The following PDE7B variants were observed in gnomAD, a reference collection of about 807,000 sequenced individuals.
PDE7B encodes the protein phosphodiesterase 7B, also known as 3',5'-cyclic-AMP phosphodiesterase 7B.
Under a neutral mutation model 56.2 loss-of-function variants are expected in PDE7B, and 29 were observed. The ratio of observed to expected loss-of-function variants is 0.52; its 90% CI spans 0.38 to 0.70. The LOEUF (loss-of-function observed/expected upper bound fraction) is 0.70, where lower values mean the gene tolerates loss of function less well. Ranked by LOEUF, PDE7B falls within the 30% of genes least tolerant of loss-of-function variation. The pLI, the probability that PDE7B is intolerant of heterozygous loss-of-function variation, is 0.00. For missense variants in PDE7B, 490 were observed against 565.0 expected (o/e 0.87, Z 1.35); for synonymous variants, 197 against 196.9 (o/e 1.00, Z 0.00).
chr6:136,011,102 G>T (rs1180835042), intron 2 of PDE7B, among the ~76,000 whole-genome samples: 1 of 152,014 alleles, frequency 6.6e-6, no homozygotes, highest in Non-Finnish European at 1.5e-5. Flanking sequence ...GATGTTGGAT[G>T]AAAAAAGAGA....
chr6:136,035,752 A>AT (rs1776316352), intron 2 of PDE7B, among the ~76,000 whole-genome samples: 1 of 152,168 alleles, frequency 6.6e-6, no homozygotes, highest in South Asian at 2.1e-4. Flanking sequence ...TCTCTAAGAT[A>AT]TTTTTACAAG....
At chr6:136,073,951 T>C (rs985462342) in intron 2 of PDE7B, among the ~76,000 whole-genome samples, 5 of 152,312 alleles carry the variant, frequency 3.3e-5, no homozygotes, top group Admixed American at 6.5e-5. Flanking sequence ...AGTTCCCATA[T>C]TCTTTCCAAT....
intron 2 of PDE7B, among the ~76,000 whole-genome samples, chr6:135,964,653 T>C (rs1774961921): frequency 6.6e-6 from 1 of 152,140 alleles, no homozygotes; most frequent in Non-Finnish European, 1.5e-5. Flanking sequence ...TCTATAGCTA[T>C]ATGATCTGAT....
intron 2 of PDE7B, among the ~76,000 whole-genome samples, chr6:136,090,838 A>G (rs146762014): frequency 2.1e-4 from 32 of 152,136 alleles, no homozygotes; most frequent in Non-Finnish European, 4.3e-4. Context: ...TGTACCACCT[A>G]TTTCTTTATG....
intron 2 of PDE7B, among the ~76,000 whole-genome samples, chr6:136,000,631 C>T (rs1036023625): frequency 3.9e-5 from 6 of 152,062 alleles, no homozygotes; most frequent in East Asian, 3.9e-4. Context: ...GTACTAGTAC[C>T]ATGCTGTTTT....
chr6:136,075,141 T>C (rs549624213), intron 2 of PDE7B, among the ~76,000 whole-genome samples: 2 of 152,320 alleles, frequency 1.3e-5, no homozygotes, highest in African/African-American at 2.4e-5. Context: ...CTGGGTGCTT[T>C]ACCTACTGTC....
intron 1 of PDE7B, among the ~76,000 whole-genome samples, chr6:135,906,832 T>TTTTTTTTTTTTTTTTTTTTTTTTG (rs1257351941): frequency 1.4e-5 from 2 of 144,008 alleles, no homozygotes; most frequent in African/African-American, 5.5e-5. Flanking sequence ...TTTTTTTTTT[T>TTTTTTTTTTTTTTTTTTTTTTTTG]TTTTAATCCT....
chr6:135,923,186 C>T (rs1774121727), intron 1 of PDE7B, among the ~76,000 whole-genome samples: 1 of 152,130 alleles, frequency 6.6e-6, no homozygotes, highest in African/African-American at 2.4e-5. Context: ...TTTTGTCACA[C>T]AAAATAGAAT....
chr6:136,148,446 T>TGGGA (rs1166710987), intron 4 of PDE7B, among the ~76,000 whole-genome samples: 23 of 9,750 alleles, frequency 2.4e-3, no homozygotes, highest in South Asian at 0.021. Flanking sequence ...GAGAGGAGGG[T>TGGGA]GGGAGGGAGG....
chr6:135,908,955 C>A (rs185820204), intron 1 of PDE7B, among the ~76,000 whole-genome samples: 1 of 152,094 alleles, frequency 6.6e-6, no homozygotes, highest in Non-Finnish European at 1.5e-5. Context: ...AAATATTTGC[C>A]TTTTTCAATT....
At chr6:136,165,949 T>C (rs1182945295) in intron 8 of PDE7B, among the ~76,000 whole-genome samples, 2 of 152,208 alleles carry the variant, frequency 1.3e-5, no homozygotes, top group African/African-American at 4.8e-5. Context: ...GTCTCTGTCA[T>C]ACGTGATGCT....
chr6:136,147,306 T>A (rs1032952075), intron 3 of PDE7B, 45 bp from the exon 4 acceptor site: 1 of 1,371,906 alleles, frequency 7.3e-7, no homozygotes, highest in Non-Finnish European at 1.0e-6. Flanking sequence ...GAAAATTGGC[T>A]CTCTTTTAAA....
chr6:135,871,648 T>C (rs751431626), intron 1 of PDE7B, among the ~76,000 whole-genome samples: 12 of 152,210 alleles, frequency 7.9e-5, no homozygotes, highest in Non-Finnish European at 1.8e-4. Context: ...AAATCTACTC[T>C]TAGCTTTGAC....
intron 1 of PDE7B, among the ~76,000 whole-genome samples, chr6:135,944,439 C>G (rs1170678482): frequency 6.6e-6 from 1 of 152,048 alleles, no homozygotes; most frequent in Non-Finnish European, 1.5e-5. Flanking sequence ...CAGATTCCCT[C>G]AGGTATTGCT....
At chr6:136,191,443 G>T (rs552543585) in intron 12 of PDE7B, among the ~76,000 whole-genome samples, 171 bp from the exon 13 acceptor site, 1 of 152,246 alleles carries the variant, frequency 6.6e-6, no homozygotes. Context: ...GAGGCGGGCG[G>T]ATCACTTGAG....
chr6:136,008,737 C>T (rs967647543), intron 2 of PDE7B, among the ~76,000 whole-genome samples: 5 of 152,082 alleles, frequency 3.3e-5, no homozygotes, highest in Non-Finnish European at 7.3e-5. Flanking sequence ...GATATTAGCC[C>T]TTTGTCAGAT....
chr6:135,915,175 C>A (rs1055359752), intron 1 of PDE7B, among the ~76,000 whole-genome samples: 1 of 151,734 alleles, frequency 6.6e-6, no homozygotes, highest in East Asian at 1.9e-4. Context: ...GTGTGTATAC[C>A]AAAATTTAAC....
intron 2 of PDE7B, among the ~76,000 whole-genome samples, chr6:136,093,747 T>C (rs1018761229): frequency 3.9e-5 from 6 of 152,134 alleles, no homozygotes; most frequent in African/African-American, 1.4e-4. Context: ...GAATGGGAAA[T>C]GCAATGCAGG....
At chr6:136,014,362 A>T (rs145971140) in intron 2 of PDE7B, among the ~76,000 whole-genome samples, 1 of 152,342 alleles carries the variant, frequency 6.6e-6, no homozygotes, top group Non-Finnish European at 1.5e-5. Context: ...AACAATTTAT[A>T]TGCATTTCCT....
Sources: allele counts gnomAD v4.1 joint callset (sites outside exome capture counted in the v4.1 genomes callset), GRCh38; gene constraint gnomAD v4.1.1; transcripts MANE v1.5; gene names NCBI Gene and HGNC (gene_info 2026-07-23, HGNC 2026-07-21).